The following PCLO variants were observed in gnomAD, a reference collection of about 807,000 sequenced individuals.
PCLO encodes piccolo presynaptic cytomatrix protein.
PCLO carries 82 observed loss-of-function variants against 427.5 expected under a neutral mutation model. The ratio of observed to expected loss-of-function variants is 0.19; its 90% CI spans 0.16 to 0.23. The LOEUF (loss-of-function observed/expected upper bound fraction) is 0.23. PCLO is among the 10% of genes least tolerant of loss of function. The pLI is 1.00. For missense variants in PCLO, 6,239 were observed against 6,115.9 expected (o/e 1.02, Z -0.67); for synonymous variants, 2,357 against 2,155.4 (o/e 1.09, Z -2.59).
At chr7:83,093,785 G>A (rs1463183188) in intron 3 of PCLO, among the ~76,000 whole-genome samples, 2 of 128,914 alleles carry the variant, frequency 1.6e-5, no homozygotes, top group East Asian at 2.3e-4. Context: ...AAGCCACCAC[G>A]CCCGACCACC....
chr7:83,039,362 T>C (rs1227494516), intron 3 of PCLO, among the ~76,000 whole-genome samples: 1 of 152,066 alleles, frequency 6.6e-6, no homozygotes, highest in African/African-American at 2.4e-5. Flanking sequence ...ATATTTAAGT[T>C]TTAGACCCAT....
chr7:83,004,175 G>A (rs1047918168), intron 3 of PCLO, among the ~76,000 whole-genome samples: 5 of 151,600 alleles, frequency 3.3e-5, no homozygotes, highest in Admixed American at 2.6e-4. Context: ...ACATTTGTAC[G>A]GAACCACAAA....
chr7:83,096,896 TTAA>T (rs1790568921), intron 3 of PCLO, among the ~76,000 whole-genome samples: 4 of 53,206 alleles, frequency 7.5e-5, no homozygotes, highest in Non-Finnish European at 1.1e-4. Context: ...ATATAATATA[TTAA>T]TATTATATTA....
At position 82,951,332 on chromosome 7, in the gene PCLO, T is replaced by C. The variant is rs1795342030; in HGVS notation, c.9256A>G (p.Asn3086Asp). 1.2e-6 allele frequency: 2 copies of C among 1,611,064 alleles called. No individual in the cohort carries two copies. Among genetic ancestry groups the C allele is most frequent in the African/African-American group, 2.7e-5 (2 of 74,998 alleles). The change falls in exon 6 of 25, where the codon AAT becomes GAT. Residue 3086 changes from asparagine to aspartate, a missense_variant. Physicochemically the swap from Asn to Asp is conservative, Grantham distance 23. Coordinates refer to ENST00000333891, the MANE Select transcript of PCLO (RefSeq NM_033026.6). Reference protein sequence around the residue: ...YCVGSVLRSSNGVVYSSVATP... With the variant: ...YCVGSVLRSSDGVVYSSVATP... ...GCTACTGAAGAATAGACAACACCAT[T>C]AGATGACCTCAAAACACTCCCCACA...
intron 3 of PCLO, among the ~76,000 whole-genome samples, chr7:83,122,355 G>A (rs1006541992): frequency 6.2e-5 from 9 of 146,052 alleles, no homozygotes; most frequent in South Asian, 4.3e-4. Flanking sequence ...GTGCAATCTC[G>A]GTTCACTGCA....
At chr7:82,843,146 C>T (rs1394771718) in intron 13 of PCLO, among the ~76,000 whole-genome samples, 2 of 152,082 alleles carry the variant, frequency 1.3e-5, no homozygotes, top group African/African-American at 2.4e-5. Context: ...GATATAGTAC[C>T]AACCTAAGTG....
At chr7:82,889,044 G>A (rs1158767234) in intron 9 of PCLO, among the ~76,000 whole-genome samples, 1 of 142,972 alleles carries the variant, frequency 7.0e-6, no homozygotes, top group Non-Finnish European at 1.5e-5. Flanking sequence ...TCTGTTACCT[G>A]CCAGTCTGAG....
At chr7:83,146,747 C>T (rs1475964394) in intron 2 of PCLO, among the ~76,000 whole-genome samples, 1 of 152,054 alleles carries the variant, frequency 6.6e-6, no homozygotes, top group African/African-American at 2.4e-5. Context: ...ATTACAGGTG[C>T]CCACCACCAC....
chr7:82,895,888 A>T (rs1254845276), intron 9 of PCLO, among the ~76,000 whole-genome samples: 2 of 151,954 alleles, frequency 1.3e-5, no homozygotes, highest in Non-Finnish European at 2.9e-5. Context: ...TATTCAAAAA[A>T]TGAATAATAC....
intron 6 of PCLO, among the ~76,000 whole-genome samples, chr7:82,927,218 C>T (rs1729435405): frequency 6.6e-6 from 1 of 152,136 alleles, no homozygotes; most frequent in South Asian, 2.1e-4. Context: ...CAATTGTACA[C>T]TGCCTTTGGG....
At chr7:83,114,281 G>A (rs972845782) in intron 3 of PCLO, among the ~76,000 whole-genome samples, 2 of 152,074 alleles carry the variant, frequency 1.3e-5, no homozygotes, top group African/African-American at 2.4e-5. Context: ...AGGGAATTGC[G>A]ATGCTATATA....
At chr7:82,986,471 T>C (rs1796259921) in intron 3 of PCLO, among the ~76,000 whole-genome samples, 1 of 152,030 alleles carries the variant, frequency 6.6e-6, no homozygotes, top group Non-Finnish European at 1.5e-5. Context: ...GGGGGTTCAC[T>C]GACACACAGA....
At chr7:83,043,912 C>CTTT (rs869061778) in intron 3 of PCLO, among the ~76,000 whole-genome samples, 9,073 of 93,806 alleles carry the variant, frequency 0.097, 859 homozygotes, top group East Asian at 0.4. Flanking sequence ...CTATTATTTT[C>CTTT]TTTTTTTTTT....
rs756571448 is a variant in PCLO, at chr7:82,953,699, T to TGGAGGAGGA, written c.7245_7253dup (p.Pro2424_Pro2426dup). On this transcript the variant is annotated inframe_insertion, in exon 5 of 25. Coordinates refer to ENST00000333891, the MANE Select transcript of PCLO (RefSeq NM_033026.6). ...GTGGTGGGGGAGGAGGGGGTGGTGG[T>TGGAGGAGGA]GGAGGAGGAGGAGGAGGGGGAGGGG... 11 of 501,288 alleles carry TGGAGGAGGA rather than the reference T, an allele frequency of 2.2e-5. No homozygotes were observed. The Admixed American group carries it at 3.9e-4, about 18-fold the overall frequency. 31.1% of individuals were successfully genotyped at this position (501,288 alleles called of 1,614,324 possible). A position where few individuals can be genotyped will look rare whatever the true frequency, so the allele number is the denominator to read the frequency against.
chr7:82,805,944 G>C, intron 20 of PCLO, 115 bp from the exon 21 acceptor site: 2 of 1,010,288 alleles, frequency 2.0e-6, no homozygotes, highest in South Asian at 1.7e-5. Context: ...AGCTACTGAA[G>C]AACTCTACAT....
intron 3 of PCLO, among the ~76,000 whole-genome samples, chr7:82,989,415 C>T (rs1327910360): frequency 6.6e-6 from 1 of 151,884 alleles, no homozygotes; most frequent in Admixed American, 6.6e-5. Flanking sequence ...AAATAGAGAA[C>T]TTGAAAATTA....
chr7:83,069,646 G>A (rs996407555), intron 3 of PCLO, among the ~76,000 whole-genome samples: 1 of 152,018 alleles, frequency 6.6e-6, no homozygotes, highest in Non-Finnish European at 1.5e-5. Context: ...GATAATGAAT[G>A]TAAAGTGCTT....
chr7:82,760,744 T>C lies in PCLO; in HGVS notation c.15183A>G (p.Gln5061=), dbSNP rs150397734. The change falls in exon 24 of 25, where the codon CAA becomes CAG. Residue 5061 remains glutamine, a synonymous_variant. Transcript: ENST00000333891. The part of the protein sequence containing the change: ...VKIYVMNIST[Q]KKVIKKKTRV... ...TTGTTTTTTTCTTGATCACCTTTTT[T>C]TGGGTAGAAATATTCATCACATATA... The C allele has an allele frequency of 6.5e-7, 1 of 1,539,074 alleles. No individual in the cohort carries two copies. Among genetic ancestry groups the C allele is most frequent in the Non-Finnish European group, 9.0e-7 (1 of 1,116,396 alleles).
intron 21 of PCLO, among the ~76,000 whole-genome samples, chr7:82,804,721 C>A (rs1791424137): frequency 6.6e-6 from 1 of 152,184 alleles, no homozygotes; most frequent in Non-Finnish European, 1.5e-5. Context: ...TGTTCCAATA[C>A]AACTTAGTTT....
Sources: allele counts gnomAD v4.1 joint callset (sites outside exome capture counted in the v4.1 genomes callset), GRCh38; gene constraint gnomAD v4.1.1; transcripts MANE v1.5; gene names NCBI Gene and HGNC (gene_info 2026-07-23, HGNC 2026-07-21).